GNB1L: variants seen among roughly 807,000 people sequenced by gnomAD.
GNB1L encodes the protein guanine nucleotide-binding protein subunit beta-like protein 1.
In GNB1L, 20 loss-of-function variants were observed where a neutral mutation model predicts 29.1. The ratio of observed to expected loss-of-function variants is 0.69; its 90% CI spans 0.48 to 1.00. GNB1L has a LOEUF of 1.00. Ranked by LOEUF, GNB1L falls within the 50% of genes least tolerant of loss-of-function variation. GNB1L has a pLI of 0.00. For synonymous variants in GNB1L, 193 were observed against 206.5 expected (o/e 0.93, Z 0.56); for missense variants, 421 against 464.9 (o/e 0.91, Z 0.87).
chr22:19,808,540 G>C (rs959547725), intron 5 of GNB1L, among the ~76,000 whole-genome samples: 1 of 152,206 alleles, frequency 6.6e-6, no homozygotes, highest in Non-Finnish European at 1.5e-5. Context: ...GGACACCAAG[G>C]ATTCCTTGCG....
At chr22:19,812,506 G>A in intron 4 of GNB1L, 59 bp from the exon 5 acceptor site, 2 of 1,479,920 alleles carry the variant, frequency 1.4e-6, no homozygotes, top group Non-Finnish European at 1.8e-6. Context: ...AGCTCCCATG[G>A]CCCCTGCAGC....
intron 5 of GNB1L, among the ~76,000 whole-genome samples, chr22:19,808,965 C>T (rs540265918): frequency 5.9e-5 from 9 of 152,106 alleles, no homozygotes; most frequent in African/African-American, 1.7e-4. Flanking sequence ...CTGCCTGGCT[C>T]ACTCCCCACA....
intron 7 of GNB1L, 50 bp from the exon 8 acceptor site, chr22:19,789,010 G>C: frequency 6.5e-7 from 1 of 1,541,762 alleles, no homozygotes; most frequent in Non-Finnish European, 8.8e-7. Context: ...CCACAAGGCA[G>C]TGCTGCCCCT....
At chr22:19,815,971 G>A (rs964252464) in intron 4 of GNB1L, among the ~76,000 whole-genome samples, 16 of 152,120 alleles carry the variant, frequency 1.1e-4, no homozygotes, top group African/African-American at 1.7e-4. Context: ...TGCTTCTCCC[G>A]GCCCCTCCTA....
Position 19,802,019 on chromosome 22 carries a change from G to A in GNB1L, c.714C>T (p.Asp238=). 3 of 1,595,602 alleles carry A rather than the reference G, an allele frequency of 1.9e-6. No individual in the cohort carries two copies. The highest frequency in any genetic ancestry group is 2.3e-5 in the South Asian group (2 of 88,714). ...AGKALAVWSL[D]WQQALQVRGT... is the part of the protein sequence containing the mutation. Reference sequence around the variant, plus strand: ...CACTGACCTGCAGGGCCTGCTGCCAGTCCAGGCTCCAGACAGCCAGCGCCT... The same window carrying A: ...CACTGACCTGCAGGGCCTGCTGCCAATCCAGGCTCCAGACAGCCAGCGCCT... The change falls in exon 7 of 8, where the codon GAC becomes GAT. Residue 238 remains aspartate (D), a synonymous_variant. Coordinates refer to ENST00000329517, the MANE Select transcript of GNB1L (RefSeq NM_053004.3).
chr22:19,824,762 C>T (rs1360069500), intron 2 of GNB1L, among the ~76,000 whole-genome samples: 3 of 152,220 alleles, frequency 2.0e-5, no homozygotes, highest in Non-Finnish European at 4.4e-5. Context: ...AGGGGCAGGC[C>T]TGCAAATGTC....
intron 4 of GNB1L, among the ~76,000 whole-genome samples, chr22:19,817,015 GA>G (rs1379619912): frequency 6.6e-6 from 1 of 152,208 alleles, no homozygotes; most frequent in Non-Finnish European, 1.5e-5. Context: ...ACACCGTAGT[GA>G]ATTCCAGCTG....
At chr22:19,798,170 G>C (rs1442508497) in intron 7 of GNB1L, among the ~76,000 whole-genome samples, 2 of 152,178 alleles carry the variant, frequency 1.3e-5, no homozygotes, top group Non-Finnish European at 2.9e-5. Context: ...CCTGCTGCGC[G>C]GGGCCGTCAA....
At chr22:19,802,317 G>A (rs1937384219) in intron 6 of GNB1L, 101 bp from the exon 7 acceptor site, 1 of 942,884 alleles carries the variant, frequency 1.1e-6, no homozygotes, top group Admixed American at 2.1e-5. Flanking sequence ...CCTGCTGGCT[G>A]GGGCTGTTTC....
rs767099084 is a variant in GNB1L, at chr22:19,802,049, C to A, written c.684G>T (p.Ala228=). 91 of 1,610,588 alleles carry A rather than the reference C, an allele frequency of 5.7e-5. No individual in the cohort carries two copies. The highest frequency in any genetic ancestry group is 6.2e-5 in the Non-Finnish European group (73 of 1,178,878). The change falls in exon 7 of 8, where the codon GCG becomes GCT. Residue 228 remains alanine, a synonymous_variant. Coordinates refer to ENST00000329517, the MANE Select transcript of GNB1L (RefSeq NM_053004.3). ...SQKARGISGS[A]GKALAVWSLD... ...GGCTCCAGACAGCCAGCGCCTTCCC[C>A]GCGGAGCCTGAGATGCCCCTGGCCT...
At chr22:19,806,193 T>C (rs1169281024) in intron 6 of GNB1L, among the ~76,000 whole-genome samples, 4 of 152,268 alleles carry the variant, frequency 2.6e-5, no homozygotes, top group Admixed American at 6.5e-5. Context: ...GGGAATGTCA[T>C]TGTGTTAAGT....
intron 6 of GNB1L, among the ~76,000 whole-genome samples, chr22:19,804,810 T>C (rs1937413967): frequency 6.6e-6 from 1 of 152,232 alleles, no homozygotes; most frequent in African/African-American, 2.4e-5. Context: ...TTAATTACCT[T>C]AACAAGTTTG....
intron 6 of GNB1L, among the ~76,000 whole-genome samples, chr22:19,802,429 G>A (rs1031112089): frequency 3.9e-5 from 6 of 152,208 alleles, no homozygotes; most frequent in Admixed American, 1.3e-4. Flanking sequence ...GGACTGGCAC[G>A]GCTGCCCTTA....
At chr22:19,835,049 C>A (rs574387408) in intron 2 of GNB1L, among the ~76,000 whole-genome samples, 12 of 152,138 alleles carry the variant, frequency 7.9e-5, no homozygotes, top group African/African-American at 2.7e-4. Flanking sequence ...TAAATGGCAT[C>A]GATTCAGAAA....
intron 5 of GNB1L, among the ~76,000 whole-genome samples, chr22:19,811,312 C>G (rs1937497596): frequency 6.6e-6 from 1 of 152,178 alleles, no homozygotes; most frequent in African/African-American, 2.4e-5. Flanking sequence ...CAAAGACTGC[C>G]CGGGCACAGC....
intron 7 of GNB1L, among the ~76,000 whole-genome samples, chr22:19,799,210 G>A (rs1047509625): frequency 3.3e-5 from 5 of 152,196 alleles, no homozygotes; most frequent in African/African-American, 1.2e-4. Context: ...GAATATGGCT[G>A]GCTGTAAATC....
chr22:19,829,203 C>T (rs1937646852), intron 2 of GNB1L, among the ~76,000 whole-genome samples: 1 of 152,208 alleles, frequency 6.6e-6, no homozygotes, highest in Non-Finnish European at 1.5e-5. Context: ...CCAAAAAATA[C>T]AACCAACAAG....
At chr22:19,849,226 T>G in intron 2 of GNB1L, 1 of 985,412 alleles carries the variant, frequency 1.0e-6, no homozygotes, top group Non-Finnish European at 1.2e-6. Flanking sequence ...TTTCCAAGGT[T>G]TCCAGTTGTT....
At chr22:19,805,504 C>T (rs73148927) in intron 6 of GNB1L, among the ~76,000 whole-genome samples, 3,841 of 151,178 alleles carry the variant, frequency 0.025, 69 homozygotes, top group South Asian at 0.042. Flanking sequence ...GTGCCTGGGC[C>T]GGGCGCGGTG....
Sources: gnomAD v4.1 joint callset for allele counts (sites outside exome capture counted in the v4.1 genomes callset) on GRCh38, gnomAD v4.1.1 for gene constraint, MANE v1.5 for transcripts, NCBI Gene and HGNC (gene_info 2026-07-23, HGNC 2026-07-21) for gene names.